BCAT1: variants seen among roughly 807,000 people sequenced by gnomAD.
BCAT1 encodes the protein branched chain amino acid transaminase 1, also known as branched-chain-amino-acid aminotransferase, cytosolic.
A neutral mutation model predicts 52.4 loss-of-function variants in BCAT1; 48 were observed. The observed-to-expected ratio is 0.92, with a 90% confidence interval of 0.73 to 1.16. The LOEUF is 1.16. BCAT1 is among the 50% of genes most tolerant of loss of function. BCAT1 has a pLI of 0.00. For synonymous variants in BCAT1, 167 were observed against 161.3 expected, an observed-to-expected ratio of 1.04 and a Z score of -0.27; for missense variants, 451 against 457.1, an observed-to-expected ratio of 0.99 and a Z score of 0.12.
intron 1 of BCAT1, among the ~76,000 whole-genome samples, chr12:24,937,504 TTTTG>T (rs1287365335): frequency 1.1e-4 from 16 of 146,670 alleles, no homozygotes; most frequent in Admixed American, 4.1e-4. Context: ...TTTTGTTGGT[TTTTG>T]TTTGTTTGTT....
chr12:24,873,730 A>G (rs1942248519), intron 5 of BCAT1, among the ~76,000 whole-genome samples: 1 of 152,172 alleles, frequency 6.6e-6, no homozygotes, highest in Non-Finnish European at 1.5e-5. Flanking sequence ...AAATGCTCCA[A>G]TGAGCATTTT....
chr12:24,905,738 C>A (rs1943215323), intron 1 of BCAT1, among the ~76,000 whole-genome samples: 1 of 151,960 alleles, frequency 6.6e-6, no homozygotes, highest in Non-Finnish European at 1.5e-5. Flanking sequence ...TTCAATTTAG[C>A]TTAACCTAGG....
At chr12:24,829,220 C>A (rs1437826402) in intron 10 of BCAT1, among the ~76,000 whole-genome samples, 1 of 151,470 alleles carries the variant, frequency 6.6e-6, no homozygotes, top group African/African-American at 2.4e-5. Context: ...CCCATCTCTA[C>A]TAAAAACACA....
intron 1 of BCAT1, among the ~76,000 whole-genome samples, chr12:24,906,796 A>G (rs77689629): frequency 1.3e-3 from 205 of 152,296 alleles, no homozygotes; most frequent in African/African-American, 4.8e-3. Flanking sequence ...GATGATCACC[A>G]ATGTCTATCC....
At chr12:24,943,346 C>T (rs1055788120) in intron 1 of BCAT1, among the ~76,000 whole-genome samples, 1 of 151,562 alleles carries the variant, frequency 6.6e-6, no homozygotes, top group African/African-American at 2.4e-5. Flanking sequence ...TACAAAAATT[C>T]ACCGGGCGTG....
At chr12:24,904,738 A>C (rs1047162384) in intron 1 of BCAT1, 1 of 152,250 alleles carries the variant, frequency 6.6e-6, no homozygotes, top group Non-Finnish European at 1.5e-5. Flanking sequence ...AAAACGGTGT[A>C]TCTATCCACC....
At chr12:24,939,079 G>A (rs1943812243) in intron 1 of BCAT1, among the ~76,000 whole-genome samples, 1 of 152,122 alleles carries the variant, frequency 6.6e-6, no homozygotes, top group South Asian at 2.1e-4. Context: ...TCACCATGTT[G>A]GTCAGGCTAG....
At chr12:24,896,743 G>A (rs78279323) in intron 2 of BCAT1, among the ~76,000 whole-genome samples, 1,554 of 152,170 alleles carry the variant, frequency 0.01, 16 homozygotes, top group Non-Finnish European at 0.015. Flanking sequence ...TCCAGCCTGG[G>A]CAATAAGAGT....
chr12:24,895,077 A>G (rs1166779409), intron 2 of BCAT1, among the ~76,000 whole-genome samples: 2 of 152,238 alleles, frequency 1.3e-5, no homozygotes, highest in Non-Finnish European at 2.9e-5. Flanking sequence ...TGTGGAGGAA[A>G]CAGTGAACAA....
At position 24,851,498 on chromosome 12, in the gene BCAT1, G is replaced by A. The variant is rs143234795; in HGVS notation, c.511-1549C>T. Among the ~76,000 whole-genome samples the A allele has an allele frequency of 3.9e-5, 6 of 152,328 alleles. No homozygotes were observed. In the East Asian group the frequency reaches 1.2e-3, roughly 29 times the overall value. On this transcript the variant is annotated intron_variant, in intron 5 of 10. Coordinates refer to ENST00000261192, the MANE Select transcript of BCAT1 (RefSeq NM_005504.7). ...ACACAAGCACACACCAATGCCATCT[G>A]AAAGGCATGTCACCTTAGGAAATGG...
upstream of BCAT1, chr12:24,949,140 G>T (rs551411585): frequency 2.7e-5 from 16 of 589,252 alleles, no homozygotes; most frequent in South Asian, 3.2e-4. Context: ...CGACCTAGCG[G>T]ATTGCATCAG....
intron 1 of BCAT1, among the ~76,000 whole-genome samples, chr12:24,938,316 A>G (rs767781248): frequency 5.9e-5 from 9 of 152,210 alleles, no homozygotes; most frequent in Non-Finnish European, 1.3e-4. Context: ...TGGCAGAGAA[A>G]TGACCTCACC....
chr12:24,942,084 G>T (rs1285569338), intron 1 of BCAT1, among the ~76,000 whole-genome samples: 1 of 152,182 alleles, frequency 6.6e-6, no homozygotes. Flanking sequence ...AGCACATAAT[G>T]AAAATTAAGC....
At chr12:24,880,447 ACT>A (rs1312104620) in intron 4 of BCAT1, among the ~76,000 whole-genome samples, 4 of 151,572 alleles carry the variant, frequency 2.6e-5, no homozygotes, top group East Asian at 3.9e-4. Flanking sequence ...ACAGAGTGAG[ACT>A]CTCTCTCAAA....
chr12:24,821,721 C>A (rs184155197), intron 10 of BCAT1, among the ~76,000 whole-genome samples: 1 of 152,190 alleles, frequency 6.6e-6, no homozygotes, highest in African/African-American at 2.4e-5. Context: ...AGAGAGTGAA[C>A]GATTCAAACA....
intron 1 of BCAT1, among the ~76,000 whole-genome samples, chr12:24,913,554 A>G (rs1042901591): frequency 5.3e-5 from 8 of 152,220 alleles, no homozygotes; most frequent in African/African-American, 1.9e-4. Flanking sequence ...TTTTACAACA[A>G]GAACTGGATG....
At chr12:24,873,714 A>C (rs1942248262) in intron 5 of BCAT1, among the ~76,000 whole-genome samples, 1 of 152,174 alleles carries the variant, frequency 6.6e-6, no homozygotes, top group South Asian at 2.1e-4. Flanking sequence ...GAAAAAATGA[A>C]ATCTGAAATG....
intron 5 of BCAT1, among the ~76,000 whole-genome samples, chr12:24,852,349 C>T (rs192259216): frequency 3.3e-5 from 5 of 152,172 alleles, no homozygotes; most frequent in Non-Finnish European, 7.3e-5. Flanking sequence ...ATATAATATG[C>T]TGGCATCATC....
At chr12:24,889,353 C>T (rs1238059110) in intron 3 of BCAT1, among the ~76,000 whole-genome samples, 1 of 152,200 alleles carries the variant, frequency 6.6e-6, no homozygotes, top group Non-Finnish European at 1.5e-5. Flanking sequence ...AACAATACAT[C>T]CACCATATCT....
Sources: gnomAD v4.1 joint callset for allele counts (sites outside exome capture counted in the v4.1 genomes callset) on GRCh38, gnomAD v4.1.1 for gene constraint, MANE v1.5 for transcripts, NCBI Gene and HGNC (gene_info 2026-07-23, HGNC 2026-07-21) for gene names.